The following KYNU variants were observed in gnomAD, a reference collection of about 807,000 sequenced individuals.
KYNU encodes the protein kynureninase, also known as L-kynurenine hydrolase.
In KYNU, 54 loss-of-function variants were observed where a neutral mutation model predicts 59.2. The observed-to-expected ratio is 0.91, with a 90% CI of 0.73 to 1.14. The LOEUF (loss-of-function observed/expected upper bound fraction) is 1.14. KYNU is among the 50% of genes most tolerant of loss of function. KYNU has a pLI of 0.00. For synonymous variants in KYNU, 177 were observed against 192.0 expected, an observed-to-expected ratio of 0.92 and a Z score of 0.65; for missense variants, 567 against 554.4, an observed-to-expected ratio of 1.02 and a Z score of -0.23.
intron 2 of KYNU, among the ~76,000 whole-genome samples, chr2:142,887,383 G>A (rs974222894): frequency 3.3e-5 from 5 of 152,148 alleles, no homozygotes; most frequent in Admixed American, 2.6e-4. Flanking sequence ...CTGTAGGAAA[G>A]AGTATGGCAG....
intron 3 of KYNU, among the ~76,000 whole-genome samples, chr2:142,926,713 A>G (rs753406368): frequency 1.1e-4 from 16 of 152,110 alleles, no homozygotes; most frequent in Admixed American, 5.2e-4. Flanking sequence ...TTTCACACAG[A>G]CTCGTCTATG....
intron 2 of KYNU, among the ~76,000 whole-genome samples, chr2:142,892,915 T>A (rs1287404548): frequency 1.3e-5 from 2 of 152,186 alleles, no homozygotes; most frequent in African/African-American, 4.8e-5. Flanking sequence ...AGACAAATAA[T>A]GTGTGTGCAC....
chr2:143,053,318 C>T lies in KYNU; in HGVS notation c.*11146C>T, dbSNP rs1441113612. ...CTGGATTCTAGAGGCTTCCCACAAT[C>T]CTTGGCTTAAGGTCCATCTTTAAGC... On this transcript the variant is annotated 3_prime_UTR_variant, in exon 14 of 14. Coordinates refer to ENST00000264170, the MANE Select transcript of KYNU (RefSeq NM_003937.3). 1.3e-5 allele frequency: 2 copies of T among 152,218 alleles called. No individual in the cohort carries two copies. Among genetic ancestry groups the T allele is most frequent in the Non-Finnish European group, 2.9e-5 (2 of 68,062 alleles). The allele number at this position is 152,218 out of a possible 1,614,324, so 9.4% of individuals were successfully genotyped here.
chr2:143,035,434 C>A (rs1288241279), intron 12 of KYNU, among the ~76,000 whole-genome samples: 1 of 152,214 alleles, frequency 6.6e-6, no homozygotes, highest in Non-Finnish European at 1.5e-5. Context: ...TTCTTTCCTA[C>A]TGTAAATTGC....
chr2:142,966,283 A>C (rs1684530076), intron 8 of KYNU, among the ~76,000 whole-genome samples: 1 of 152,234 alleles, frequency 6.6e-6, no homozygotes, highest in South Asian at 2.1e-4. Flanking sequence ...GGCAGGAATT[A>C]ACTTTCTCTC....
chr2:142,952,373 A>C (rs963590371), intron 4 of KYNU, among the ~76,000 whole-genome samples: 1 of 152,022 alleles, frequency 6.6e-6, no homozygotes. Flanking sequence ...CATCATGCCC[A>C]GCCTATATCC....
At chr2:142,997,242 A>G (rs577897848) in intron 10 of KYNU, among the ~76,000 whole-genome samples, 1 of 152,204 alleles carries the variant, frequency 6.6e-6, no homozygotes, top group Admixed American at 6.5e-5. Flanking sequence ...TTCTCTAAAC[A>G]AAACAAGATT....
intron 8 of KYNU, among the ~76,000 whole-genome samples, chr2:142,965,118 A>G (rs897322672): frequency 1.3e-5 from 2 of 152,200 alleles, no homozygotes; most frequent in African/African-American, 4.8e-5. Flanking sequence ...TGCAGACTCC[A>G]GGCTACTCAT....
intron 2 of KYNU, among the ~76,000 whole-genome samples, chr2:142,909,185 A>G (rs1443432076): frequency 6.0e-5 from 9 of 150,222 alleles, no homozygotes; most frequent in Non-Finnish European, 1.3e-4. Flanking sequence ...GGAAGTCATT[A>G]TGATAGGTAA....
At chr2:142,892,302 C>T (rs1338391113) in intron 2 of KYNU, among the ~76,000 whole-genome samples, 3 of 152,170 alleles carry the variant, frequency 2.0e-5, no homozygotes, top group East Asian at 1.9e-4. Context: ...ACTGTCTGCT[C>T]CCTGAGTGTA....
rs71301735 is a variant in KYNU, at chr2:143,013,298, C to CTGTGTGTGTGTGTGTGTGTGTGTGTG, written c.903-16308_903-16307insGTGTGTGTGTGTGTGTGTGTGTGTGT. On this transcript the variant is annotated intron_variant, in intron 10 of 13. Coordinates refer to ENST00000264170, the MANE Select transcript of KYNU (RefSeq NM_003937.3). ...TCTCTCTGTTTCTCTGTCTCTTTCTCTGTGTGTGTGTGTGTGTGTGTCCAT... is the reference window on the plus strand; with the variant it reads ...TCTCTCTGTTTCTCTGTCTCTTTCTCTGTGTGTGTGTGTGTGTGTGTGTGTGTGTGTGTGTGTGTGTGTGTGTCCAT... Among the ~76,000 whole-genome samples, 76 of 149,566 alleles carry CTGTGTGTGTGTGTGTGTGTGTGTGTG rather than the reference C, an allele frequency of 5.1e-4. 1 individual carries two copies. The highest frequency in any genetic ancestry group is 1.8e-3 in the African/African-American group (73 of 40,570).
Position 143,051,018 on chromosome 2 carries a change from CTA to C in KYNU, c.*8848_*8849del, listed in dbSNP as rs928208374. ...ATGTGCACTGTGTGTATGATATGCT[CTA>C]TGTTCTCTTCCCACTAATAATTTTA... is the stretch of plus-strand genomic sequence containing the variant. On this transcript the variant is annotated 3_prime_UTR_variant, in exon 14 of 14. Transcript: ENST00000264170. The C allele has an allele frequency of 6.6e-6, 1 of 152,132 alleles. No homozygotes were observed. Among genetic ancestry groups the C allele is most frequent in the African/African-American group, 2.4e-5 (1 of 41,426 alleles). 9.4% of individuals were successfully genotyped at this position (152,132 alleles called of 1,614,324 possible). A position where few individuals can be genotyped will look rare whatever the true frequency, so the allele number is the denominator to read the frequency against.
At chr2:142,998,588 G>T (rs1381928466) in intron 10 of KYNU, among the ~76,000 whole-genome samples, 1 of 152,178 alleles carries the variant, frequency 6.6e-6, no homozygotes. Context: ...GCTTACTCAA[G>T]TTCACTAAAT....
At chr2:142,952,267 G>A (rs1558940436) in intron 4 of KYNU, among the ~76,000 whole-genome samples, 1 of 151,844 alleles carries the variant, frequency 6.6e-6, no homozygotes, top group Non-Finnish European at 1.5e-5. Flanking sequence ...GTAGAGACAG[G>A]GTCTCACCAT....
At chr2:143,000,568 A>T (rs1318510852) in intron 10 of KYNU, among the ~76,000 whole-genome samples, 1 of 152,238 alleles carries the variant, frequency 6.6e-6, no homozygotes, top group Non-Finnish European at 1.5e-5. Context: ...AACAAAGAAA[A>T]TGTTGGGGTA....
chr2:143,041,455 T>C (rs1205433988), intron 13 of KYNU, among the ~76,000 whole-genome samples: 1 of 152,024 alleles, frequency 6.6e-6, no homozygotes, highest in Non-Finnish European at 1.5e-5. Flanking sequence ...ATAAAATAAA[T>C]TACCTCCAAG....
chr2:143,032,846 C>CA (rs1334817254), intron 11 of KYNU, among the ~76,000 whole-genome samples: 1 of 151,842 alleles, frequency 6.6e-6, no homozygotes, highest in Non-Finnish European at 1.5e-5. Flanking sequence ...GGAGACATTA[C>CA]AATTACATGC....
rs909591977 is a variant in KYNU, at chr2:143,043,824, T to C, written c.*1652T>C. 2 of 147,314 alleles carry C rather than the reference T, an allele frequency of 1.4e-5. No individual in the cohort carries two copies. Among genetic ancestry groups the C allele is most frequent in the Non-Finnish European group, 1.5e-5 (1 of 67,068 alleles). 9.1% of individuals were successfully genotyped at this position (147,314 alleles called of 1,614,324 possible). A position where few individuals can be genotyped will look rare whatever the true frequency, so the allele number is the denominator to read the frequency against. Reference sequence around the variant, plus strand: ...ATATAAATATATATAAAGTATAATATATATAAAGTATAAATATATATATAT... The same window carrying C: ...ATATAAATATATATAAAGTATAATACATATAAAGTATAAATATATATATAT... On this transcript the variant is annotated 3_prime_UTR_variant, in exon 14 of 14. Transcript: ENST00000264170.
intron 2 of KYNU, among the ~76,000 whole-genome samples, chr2:142,909,643 T>C (rs962308356): frequency 6.6e-6 from 1 of 152,256 alleles, no homozygotes. Context: ...GCATTCTTTC[T>C]ATGGCTATGT....
Sources: allele counts gnomAD v4.1 joint callset (sites outside exome capture counted in the v4.1 genomes callset), GRCh38; gene constraint gnomAD v4.1.1; transcripts MANE v1.5; gene names NCBI Gene and HGNC (gene_info 2026-07-23, HGNC 2026-07-21).